Variants in SLAIN1 observed in about 807,000 individuals in gnomAD.
SLAIN1 encodes SLAIN family member 1, also known as SLAIN motif-containing protein 1.
SLAIN1 carries 17 observed loss-of-function variants against 55.4 expected under a neutral mutation model. The observed-to-expected ratio is 0.31, with a 90% CI of 0.21 to 0.46. The LOEUF (loss-of-function observed/expected upper bound fraction) is 0.46. SLAIN1 is among the 20% of genes least tolerant of loss of function. The pLI is 1.00. For synonymous variants in SLAIN1, 348 were observed against 337.4 expected (o/e 1.03, Z -0.35); for missense variants, 682 against 785.1 (o/e 0.87, Z 1.57).
At chr13:77,735,382 C>G (rs1873069962) in intron 2 of SLAIN1, among the ~76,000 whole-genome samples, 1 of 152,044 alleles carries the variant, frequency 6.6e-6, no homozygotes, top group South Asian at 2.1e-4. Context: ...TGTCAGCCAT[C>G]ACTGCTGTGT....
intron 1 of SLAIN1, among the ~76,000 whole-genome samples, chr13:77,716,809 C>T (rs1416667960): frequency 6.6e-6 from 1 of 152,028 alleles, no homozygotes; most frequent in African/African-American, 2.4e-5. Flanking sequence ...ATGATCATGT[C>T]ATCTGTGAAT....
Position 77,753,096 on chromosome 13 carries a change from T to A in SLAIN1, c.1259-107T>A, listed in dbSNP as rs527339631. On this transcript the variant is annotated intron_variant, in intron 4 of 6. Coordinates refer to ENST00000418532, the MANE Select transcript of SLAIN1 (RefSeq NM_001242868.2). Reference sequence around the variant, plus strand: ...AGCTTGATCATCAACATGTAATAATTTGTATTTATTATTGAGCACAATATG... The same window carrying A: ...AGCTTGATCATCAACATGTAATAATATGTATTTATTATTGAGCACAATATG... 35 of 1,022,310 alleles carry A rather than the reference T, an allele frequency of 3.4e-5. No homozygotes were observed. In the African/African-American group the frequency reaches 5.6e-4, roughly 16 times the overall value. 63.3% of individuals were successfully genotyped at this position (1,022,310 alleles called of 1,614,324 possible). A position where few individuals can be genotyped will look rare whatever the true frequency, so the allele number is the denominator to read the frequency against.
intron 2 of SLAIN1, among the ~76,000 whole-genome samples, chr13:77,727,437 CAA>C (rs34990709): frequency 1.2e-5 from 1 of 84,056 alleles, no homozygotes. Flanking sequence ...TTAAGTTGGG[CAA>C]AAAAAAAAAC....
intron 1 of SLAIN1, among the ~76,000 whole-genome samples, chr13:77,716,509 A>G (rs2091209283): frequency 1.3e-5 from 2 of 152,102 alleles, no homozygotes; most frequent in Non-Finnish European, 2.9e-5. Context: ...ACTCACGAAA[A>G]TGGCATATCT....
chr13:77,718,379 G>T (rs1212020529), intron 1 of SLAIN1, among the ~76,000 whole-genome samples: 1 of 152,124 alleles, frequency 6.6e-6, no homozygotes. Flanking sequence ...CTTTGGACTG[G>T]AATGGCAGGG....
intron 1 of SLAIN1, among the ~76,000 whole-genome samples, chr13:77,711,688 C>T (rs2091152506): frequency 6.6e-6 from 1 of 152,146 alleles, no homozygotes; most frequent in Non-Finnish European, 1.5e-5. Flanking sequence ...CTATTCCAAA[C>T]AATAGAAAGA....
chr13:77,716,099 G>A (rs1231699369), intron 1 of SLAIN1, among the ~76,000 whole-genome samples: 1 of 150,264 alleles, frequency 6.7e-6, no homozygotes, highest in Admixed American at 6.6e-5. Context: ...TTTGGATAGT[G>A]TTTGTACTGT....
intron 1 of SLAIN1, chr13:77,699,073 T>G (rs568766862): frequency 2.9e-4 from 442 of 1,528,994 alleles, no homozygotes; most frequent in Non-Finnish European, 3.6e-4. Flanking sequence ...TTCTTGCTGT[T>G]TGAATTTTGC....
chr13:77,726,650 G>A (rs1056348883), intron 2 of SLAIN1, among the ~76,000 whole-genome samples: 1 of 152,058 alleles, frequency 6.6e-6, no homozygotes, highest in South Asian at 2.1e-4. Flanking sequence ...GAACTCCTGG[G>A]CTCAAGCAAT....
intron 2 of SLAIN1, among the ~76,000 whole-genome samples, chr13:77,737,120 C>T (rs1264405320): frequency 6.6e-6 from 1 of 151,886 alleles, no homozygotes; most frequent in Non-Finnish European, 1.5e-5. Flanking sequence ...ACATGAGTAT[C>T]TCATGCTCTC....
At chr13:77,717,570 T>G (rs2091220497) in intron 1 of SLAIN1, among the ~76,000 whole-genome samples, 1 of 152,198 alleles carries the variant, frequency 6.6e-6, no homozygotes, top group Non-Finnish European at 1.5e-5. Context: ...TTGAGTCTTT[T>G]GTGACACTTC....
chr13:77,723,928 A>G (rs1237875423), intron 2 of SLAIN1, among the ~76,000 whole-genome samples: 7 of 44,850 alleles, frequency 1.6e-4, no homozygotes, highest in Non-Finnish European at 3.4e-4. Flanking sequence ...ACTTTTTTGG[A>G]GATTAAAAAA....
chr13:77,700,591 G>A lies in SLAIN1; in HGVS notation c.626+2052G>A, dbSNP rs144579145. On this transcript the variant is annotated intron_variant, in intron 1 of 6. Transcript: ENST00000418532. ...TTGCATTGCAAATCTTTTTGATGAA[G>A]AAAATATCAACAGGGTTTAATTTTT... is the stretch of plus-strand genomic sequence containing the variant. Among the ~76,000 whole-genome samples the A allele has an allele frequency of 5.0e-3, 763 of 152,226 alleles. 6 individuals carry two copies. The highest frequency in any genetic ancestry group is 0.018 in the African/African-American group (731 of 41,554).
chr13:77,763,191 G>T lies in SLAIN1; in HGVS notation c.1744G>T (p.Asp582Tyr), dbSNP rs1487463646. 1.2e-6 allele frequency: 2 copies of T among 1,614,086 alleles called. No individual in the cohort carries two copies. ...KPLSSLSTLR[D>Y]GNWRDGCY Reference sequence around the variant, plus strand: ...TCTGTCTTCACTCAGCACTCTGAGGGATGGAAATTGGAGAGATGGTTGCTA... The same window carrying T: ...TCTGTCTTCACTCAGCACTCTGAGGTATGGAAATTGGAGAGATGGTTGCTA... The change falls in exon 7 of 7, where the codon GAT (aspartate) becomes TAT (tyrosine). Residue 582 changes from aspartate to tyrosine, a missense_variant. Coordinates refer to ENST00000418532, the MANE Select transcript of SLAIN1 (RefSeq NM_001242868.2).
chr13:77,720,613 G>A (rs2091252847), intron 2 of SLAIN1, among the ~76,000 whole-genome samples: 1 of 152,114 alleles, frequency 6.6e-6, no homozygotes, highest in Non-Finnish European at 1.5e-5. Context: ...TTACATTCTT[G>A]ACATCCTTCA....
At chr13:77,745,317 A>G (rs1004443844) in intron 3 of SLAIN1, among the ~76,000 whole-genome samples, 1 of 152,024 alleles carries the variant, frequency 6.6e-6, no homozygotes, top group African/African-American at 2.4e-5. Flanking sequence ...TGGCTGTCAT[A>G]TTATTATAAT....
chr13:77,729,503 C>CT (rs11319194), intron 2 of SLAIN1, among the ~76,000 whole-genome samples: 176 of 144,270 alleles, frequency 1.2e-3, no homozygotes, highest in African/African-American at 1.9e-3. Context: ...TAGTGAAATT[C>CT]TTTTTTTTTT....
intron 5 of SLAIN1, among the ~76,000 whole-genome samples, chr13:77,760,538 T>C (rs1282089669): frequency 6.6e-6 from 1 of 150,520 alleles, no homozygotes; most frequent in East Asian, 1.9e-4. Context: ...AGACTTTCTC[T>C]TGTGAGAACT....
chr13:77,699,516 C>T (rs2091010230), intron 1 of SLAIN1, among the ~76,000 whole-genome samples: 1 of 152,038 alleles, frequency 6.6e-6, no homozygotes, highest in Non-Finnish European at 1.5e-5. Context: ...TCTGTTTTTC[C>T]AAGCTGTGTT....
Sources: gnomAD v4.1 joint callset for allele counts (sites outside exome capture counted in the v4.1 genomes callset) on GRCh38, gnomAD v4.1.1 for gene constraint, MANE v1.5 for transcripts, NCBI Gene and HGNC (gene_info 2026-07-23, HGNC 2026-07-21) for gene names.